Variants in MARCHF1 observed in about 807,000 individuals in gnomAD.
The protein encoded by MARCHF1 is membrane associated ring-CH-type finger 1, also known as E3 ubiquitin-protein ligase MARCHF1.
In MARCHF1, 40 loss-of-function variants were observed where a neutral mutation model predicts 54.2. That is an observed-to-expected ratio of 0.74 (90% CI 0.57 to 0.96). MARCHF1 has a LOEUF of 0.96. Ranked by LOEUF, MARCHF1 falls within the 40% of genes least tolerant of loss-of-function variation. MARCHF1 has a pLI of 0.00. For synonymous variants in MARCHF1, 236 were observed against 236.3 expected, an observed-to-expected ratio of 1.00 and a Z score of 0.01; for missense variants, 586 against 656.5, an observed-to-expected ratio of 0.89 and a Z score of 1.17.
intron 2 of MARCHF1, among the ~76,000 whole-genome samples, chr4:164,018,945 T>C (rs746841309): frequency 2.6e-5 from 4 of 152,206 alleles, no homozygotes; most frequent in Non-Finnish European, 4.4e-5. Flanking sequence ...GAGAGGTTAC[T>C]ATATTGGTCC....
chr4:164,206,209 G>T (rs1456769326), intron 1 of MARCHF1, among the ~76,000 whole-genome samples: 1 of 152,216 alleles, frequency 6.6e-6, no homozygotes, highest in African/African-American at 2.4e-5. Flanking sequence ...GGCTCAGGCA[G>T]GCAGATCACC....
rs557119134 is a variant in MARCHF1, at chr4:163,901,122, A to G, written c.-38-46953T>C. ...ATGCATACTGTAGAAGCACTAGAGT[A>G]GTAAAGAGACAATCTGGGTTTAGAT... On this transcript the variant is annotated intron_variant, in intron 3 of 9. Coordinates refer to ENST00000514618, the MANE Select transcript of MARCHF1 (RefSeq NM_001394959.1). Among the ~76,000 whole-genome samples the G allele has an allele frequency of 7.9e-5, 12 of 152,334 alleles. No individual in the cohort carries two copies. In the South Asian group the frequency reaches 2.5e-3, roughly 32 times the overall value.
chr4:164,249,627 T>G (rs1733065373), intron 1 of MARCHF1, among the ~76,000 whole-genome samples: 1 of 151,856 alleles, frequency 6.6e-6, no homozygotes, highest in Admixed American at 6.6e-5. Flanking sequence ...GGACTATATT[T>G]CAAGAAGTTT....
intron 1 of MARCHF1, among the ~76,000 whole-genome samples, chr4:164,301,881 T>C (rs1305870037): frequency 6.6e-6 from 1 of 152,122 alleles, no homozygotes; most frequent in East Asian, 1.9e-4. Flanking sequence ...GAAAAGTTAA[T>C]TGCCAGAGGA....
At chr4:164,319,019 G>T (rs1312192700) in intron 1 of MARCHF1, among the ~76,000 whole-genome samples, 1 of 151,978 alleles carries the variant, frequency 6.6e-6, no homozygotes, top group Non-Finnish European at 1.5e-5. Context: ...TTTTGTTCTG[G>T]ATATCTGAAT....
chr4:163,777,703 A>T (rs552648945), intron 4 of MARCHF1, among the ~76,000 whole-genome samples: 1 of 152,262 alleles, frequency 6.6e-6, no homozygotes, highest in East Asian at 1.9e-4. Flanking sequence ...ACCCAAATAA[A>T]TAATAATACT....
At chr4:164,094,260 A>AT (rs1755363231) in intron 2 of MARCHF1, among the ~76,000 whole-genome samples, 1 of 152,194 alleles carries the variant, frequency 6.6e-6, no homozygotes, top group Admixed American at 6.5e-5. Flanking sequence ...ATGCATACTG[A>AT]TTTTGAAGCC....
intron 4 of MARCHF1, among the ~76,000 whole-genome samples, chr4:163,807,694 C>T (rs909672630): frequency 3.9e-5 from 6 of 152,000 alleles, no homozygotes; most frequent in Non-Finnish European, 8.8e-5. Context: ...AAGTATAATA[C>T]TTCACATATA....
chr4:163,941,154 T>C (rs1751904168), intron 3 of MARCHF1, among the ~76,000 whole-genome samples: 2 of 152,024 alleles, frequency 1.3e-5, no homozygotes, highest in Admixed American at 6.6e-5. Flanking sequence ...TTTCTGAAAG[T>C]CTATGTCTTT....
At chr4:163,899,941 T>G (rs1162907245) in intron 3 of MARCHF1, among the ~76,000 whole-genome samples, 2 of 152,052 alleles carry the variant, frequency 1.3e-5, no homozygotes, top group African/African-American at 4.8e-5. Flanking sequence ...CAATGGTCTT[T>G]CCTTAGCCTT....
At chr4:163,605,554 G>GGGTATATACCCAAA (rs1365011246) in intron 7 of MARCHF1, among the ~76,000 whole-genome samples, 1 of 152,138 alleles carries the variant, frequency 6.6e-6, no homozygotes, top group Non-Finnish European at 1.5e-5. Flanking sequence ...TCCCATTACT[G>GGGTATATACCCAAA]GGTATATACC....
intron 3 of MARCHF1, among the ~76,000 whole-genome samples, chr4:163,887,298 T>C (rs1032955263): frequency 5.9e-5 from 9 of 152,090 alleles, no homozygotes; most frequent in Admixed American, 4.6e-4. Context: ...GAATTTTCTA[T>C]TGAAATCTAG....
chr4:163,721,160 C>A (rs778137510), intron 4 of MARCHF1, among the ~76,000 whole-genome samples: 3 of 152,008 alleles, frequency 2.0e-5, no homozygotes, highest in Non-Finnish European at 4.4e-5. Context: ...ATACTGGCTG[C>A]GTGTTTGTCA....
chr4:163,872,084 C>T (rs988465418), intron 3 of MARCHF1, among the ~76,000 whole-genome samples: 2 of 152,176 alleles, frequency 1.3e-5, no homozygotes, highest in African/African-American at 4.8e-5. Flanking sequence ...GAATATTTTA[C>T]TAGACACAGT....
intron 4 of MARCHF1, among the ~76,000 whole-genome samples, chr4:163,704,581 A>G (rs2111239602): frequency 6.6e-6 from 1 of 151,746 alleles, no homozygotes; most frequent in East Asian, 1.9e-4. Flanking sequence ...TTAGAAATCC[A>G]ATTTTGAAAA....
chr4:164,147,330 C>A lies in MARCHF1; in HGVS notation c.-322-35668G>T, dbSNP rs1356810186. Among the ~76,000 whole-genome samples, 19 of 148,736 alleles carry A rather than the reference C, an allele frequency of 1.3e-4. No homozygotes were observed. In the East Asian group the frequency reaches 3.2e-3, roughly 25 times the overall value. On this transcript the variant is annotated intron_variant, in intron 1 of 9. Transcript: ENST00000514618. ...CAGCCATCCCATTACTGGGTATATACCCAAAGGACTATAAATCATGCTGCT... is the reference window on the plus strand; with the variant it reads ...CAGCCATCCCATTACTGGGTATATAACCAAAGGACTATAAATCATGCTGCT...
chr4:164,099,405 T>C (rs1453422590), intron 2 of MARCHF1, among the ~76,000 whole-genome samples: 3 of 152,202 alleles, frequency 2.0e-5, no homozygotes, highest in Admixed American at 2.0e-4. Flanking sequence ...TCTATAATTG[T>C]ACAAATTTCT....
intron 2 of MARCHF1, among the ~76,000 whole-genome samples, chr4:164,082,126 C>T (rs1337810205): frequency 6.6e-6 from 1 of 152,198 alleles, no homozygotes; most frequent in Non-Finnish European, 1.5e-5. Flanking sequence ...CCTTCTCCTG[C>T]CCATAAATGC....
At chr4:163,607,933 C>A (rs1157755203) in intron 7 of MARCHF1, among the ~76,000 whole-genome samples, 3 of 152,136 alleles carry the variant, frequency 2.0e-5, no homozygotes, top group Admixed American at 6.6e-5. Flanking sequence ...AGTTTTAGAA[C>A]TGCTGGTGTA....
Sources: gnomAD v4.1 joint callset for allele counts (sites outside exome capture counted in the v4.1 genomes callset) on GRCh38, gnomAD v4.1.1 for gene constraint, MANE v1.5 for transcripts, NCBI Gene and HGNC (gene_info 2026-07-23, HGNC 2026-07-21) for gene names.